GNAI1: variants seen among roughly 807,000 people sequenced by gnomAD.
GNAI1 encodes the protein G protein subunit alpha i1, also known as guanine nucleotide-binding protein G(i) subunit alpha-1.
In GNAI1, 11 loss-of-function variants were observed where a neutral mutation model predicts 38.9. The observed-to-expected ratio is 0.28, with a 90% CI of 0.18 to 0.47. The LOEUF (loss-of-function observed/expected upper bound fraction) is 0.47. Ranked by LOEUF, GNAI1 falls within the 20% of genes least tolerant of loss-of-function variation. The pLI, the probability that GNAI1 is intolerant of heterozygous loss-of-function variation, is 0.99. For synonymous variants in GNAI1, 166 were observed against 145.1 expected, an observed-to-expected ratio of 1.14 and a Z score of -1.04; for missense variants, 317 against 436.9, an observed-to-expected ratio of 0.73 and a Z score of 2.45.
chr7:80,202,686 T>C (rs544664162), intron 4 of GNAI1, among the ~76,000 whole-genome samples: 30 of 152,316 alleles, frequency 2.0e-4, no homozygotes, highest in African/African-American at 7.0e-4. Flanking sequence ...CTTGACTGTC[T>C]AAAACATTTT....
Position 80,202,368 on chromosome 7 carries a change from G to A in GNAI1, c.462-1336G>A, listed in dbSNP as rs149624172. Among the ~76,000 whole-genome samples the A allele has an allele frequency of 3.8e-3, 579 of 152,224 alleles. 4 individuals carry two copies. The highest frequency in any genetic ancestry group is 0.013 in the African/African-American group (537 of 41,532). On this transcript the variant is annotated intron_variant, in intron 4 of 7. Coordinates refer to ENST00000649796, the MANE Select transcript of GNAI1 (RefSeq NM_002069.6). ...CTCACAAAGTGCTGGGATTACAGGC[G>A]CCAGCCACCACGCCTGGCGAACTGT...
At chr7:80,200,447 A>G (rs924237741) in intron 4 of GNAI1, among the ~76,000 whole-genome samples, 19 of 151,602 alleles carry the variant, frequency 1.3e-4, no homozygotes, top group African/African-American at 4.6e-4. Context: ...GTCCTATATG[A>G]TATGTATTGC....
At chr7:80,166,615 A>T (rs1788013840) in intron 1 of GNAI1, among the ~76,000 whole-genome samples, 1 of 152,192 alleles carries the variant, frequency 6.6e-6, no homozygotes, top group South Asian at 2.1e-4. Context: ...TTCAATTTAT[A>T]TTCTAATGTT....
At chr7:80,158,863 A>G (rs1486427600) in intron 1 of GNAI1, among the ~76,000 whole-genome samples, 1 of 152,162 alleles carries the variant, frequency 6.6e-6, no homozygotes, top group East Asian at 1.9e-4. Flanking sequence ...CCTTTCAGCT[A>G]TAATCTTTGA....
chr7:80,164,508 C>T (rs1787981009), intron 1 of GNAI1, among the ~76,000 whole-genome samples: 3 of 151,828 alleles, frequency 2.0e-5, no homozygotes, highest in Admixed American at 6.6e-5. Context: ...ACTACAGGCG[C>T]CCACCACCAC....
intron 1 of GNAI1, chr7:80,136,160 AAAAT>A (rs1562819165): frequency 2.0e-6 from 1 of 502,276 alleles, no homozygotes; most frequent in Non-Finnish European, 2.6e-6. Context: ...GACGGGGAAG[AAAAT>A]AAAGAGTAAA....
chr7:80,168,158 T>C (rs867124115), intron 1 of GNAI1, among the ~76,000 whole-genome samples: 10 of 152,288 alleles, frequency 6.6e-5, no homozygotes, highest in Middle Eastern at 6.8e-3. Context: ...CCCTAGGTGC[T>C]GCCTCAGACT....
At chr7:80,175,249 T>TA (rs1378865713) in intron 1 of GNAI1, among the ~76,000 whole-genome samples, 12 of 152,310 alleles carry the variant, frequency 7.9e-5, no homozygotes, top group African/African-American at 2.9e-4. Flanking sequence ...TAAAAATATT[T>TA]AAAAACTTGT....
chr7:80,204,888 G>A lies in GNAI1; in HGVS notation c.590+1056G>A, dbSNP rs140543204. On this transcript the variant is annotated intron_variant, in intron 5 of 7. Transcript: ENST00000649796. ...CTTCTGTATTTTCATAGACATCTAA[G>A]ACCACTGTAGTGTTACTTGATGTTA... Among the ~76,000 whole-genome samples, 1,048 of 151,678 alleles carry A rather than the reference G, an allele frequency of 6.9e-3. 48 individuals carry two copies. The highest frequency in any genetic ancestry group is 0.063 in the Admixed American group (963 of 15,186).
intron 1 of GNAI1, among the ~76,000 whole-genome samples, chr7:80,179,726 C>T (rs1021088652): frequency 4.6e-5 from 7 of 152,146 alleles, no homozygotes; most frequent in African/African-American, 1.7e-4. Flanking sequence ...TACTTTAATA[C>T]AGCAGTTATG....
intron 5 of GNAI1, among the ~76,000 whole-genome samples, chr7:80,207,985 A>G (rs183453289): frequency 1.3e-5 from 2 of 152,172 alleles, no homozygotes; most frequent in East Asian, 3.9e-4. Flanking sequence ...TTTCTATTTC[A>G]TTTCTATAGT....
At chr7:80,215,799 T>A (rs2115722125) in intron 7 of GNAI1, among the ~76,000 whole-genome samples, 1 of 152,302 alleles carries the variant, frequency 6.6e-6, no homozygotes, top group Non-Finnish European at 1.5e-5. Flanking sequence ...TAGATTTGAT[T>A]AATTAGGAAA....
Position 80,219,447 on chromosome 7 carries a change from T to C in GNAI1, c.*1954T>C, listed in dbSNP as rs1789034857. 1 of 152,568 alleles carries C rather than the reference T, an allele frequency of 6.6e-6. No individual in the cohort carries two copies. The highest frequency in any genetic ancestry group is 2.4e-5 in the African/African-American group (1 of 41,442). The allele number at this position is 152,568 out of a possible 1,614,324, so 9.5% of individuals were successfully genotyped here. A position where few individuals can be genotyped will look rare whatever the true frequency, so the allele number is the denominator to read the frequency against. On this transcript the variant is annotated 3_prime_UTR_variant, in exon 8 of 8. Coordinates refer to ENST00000649796, the MANE Select transcript of GNAI1 (RefSeq NM_002069.6). ...TACATTTTGGATTAGAATTTAAGTA[T>C]CAGTCTGTTGTTTCTTCATTTCTTC...
chr7:80,163,106 G>T (rs1787951551), intron 1 of GNAI1, among the ~76,000 whole-genome samples: 1 of 152,106 alleles, frequency 6.6e-6, no homozygotes. Context: ...CTGTCTATCT[G>T]GGACTTGTGT....
Position 80,218,194 on chromosome 7 carries a change from A to T in GNAI1, c.*701A>T, listed in dbSNP as rs1789007085. On this transcript the variant is annotated 3_prime_UTR_variant, in exon 8 of 8. Coordinates refer to ENST00000649796, the MANE Select transcript of GNAI1 (RefSeq NM_002069.6). ...TACTTTAAGAAAATAAAATAATTTA[A>T]TTTTACATTAGATTCCACGTTAGAT... The T allele has an allele frequency of 6.6e-6, 1 of 152,136 alleles. No individual in the cohort carries two copies. Among genetic ancestry groups the T allele is most frequent in the African/African-American group, 2.4e-5 (1 of 41,436 alleles). 9.4% of individuals were successfully genotyped at this position (152,136 alleles called of 1,614,324 possible).
rs1046085722 is a variant in GNAI1 at position 80,225,686 on chromosome 7, T to C, written c.*8193T>C. The stretch of plus-strand genomic sequence containing the variant: ...TCCAAGGCCTTACATGCATGTTTTG[T>C]TTTTTGATAAAGACAGAAGATTGCA... On this transcript the variant is annotated 3_prime_UTR_variant, in exon 8 of 8. Coordinates refer to ENST00000649796, the MANE Select transcript of GNAI1 (RefSeq NM_002069.6). Among the ~76,000 whole-genome samples, 16 of 152,346 alleles carry C rather than the reference T, an allele frequency of 1.1e-4. No homozygotes were observed. Among genetic ancestry groups the C allele is most frequent in the Non-Finnish European group, 2.1e-4 (14 of 68,034 alleles).
At chr7:80,188,833 G>A in intron 1 of GNAI1, 118 bp from the exon 2 acceptor site, 5 of 687,008 alleles carry the variant, frequency 7.3e-6, no homozygotes, top group Non-Finnish European at 1.0e-5. Flanking sequence ...GCTCTAAGAG[G>A]TAGACACACA....
At chr7:80,140,063 A>G (rs1182865087) in intron 1 of GNAI1, among the ~76,000 whole-genome samples, 2 of 150,838 alleles carry the variant, frequency 1.3e-5, no homozygotes, top group Non-Finnish European at 2.9e-5. Context: ...CGCTCACTGC[A>G]AGCTCCGCCT....
At chr7:80,144,641 G>A (rs1006011444) in intron 1 of GNAI1, among the ~76,000 whole-genome samples, 1 of 151,918 alleles carries the variant, frequency 6.6e-6, no homozygotes, top group Admixed American at 6.6e-5. Context: ...TCTTGTTTGG[G>A]CACATACATC....
Sources: gnomAD v4.1 joint callset for allele counts (sites outside exome capture counted in the v4.1 genomes callset) on GRCh38, gnomAD v4.1.1 for gene constraint, MANE v1.5 for transcripts, NCBI Gene and HGNC (gene_info 2026-07-23, HGNC 2026-07-21) for gene names.